Variants in LRP1B observed in about 807,000 individuals in gnomAD.
LRP1B encodes the protein low-density lipoprotein receptor-related protein 1B.
A neutral mutation model predicts 556.6 loss-of-function variants in LRP1B; 217 were observed. The ratio of observed to expected loss-of-function variants is 0.39; its 90% CI spans 0.35 to 0.44. The LOEUF is 0.44. Ranked by LOEUF, LRP1B falls within the 20% of genes least tolerant of loss-of-function variation. LRP1B has a pLI of 1.00. For missense variants in LRP1B, 5,053 were observed against 5,620.8 expected, an observed-to-expected ratio of 0.90 and a Z score of 3.23; for synonymous variants, 2,047 against 1,865.8, an observed-to-expected ratio of 1.10 and a Z score of -2.50.
chr2:140,699,468 A>G (rs188292853), intron 41 of LRP1B, among the ~76,000 whole-genome samples: 1 of 152,032 alleles, frequency 6.6e-6, no homozygotes, highest in East Asian at 1.9e-4. Flanking sequence ...AATCCATATT[A>G]TTTGAACACT....
intron 7 of LRP1B, among the ~76,000 whole-genome samples, chr2:141,106,416 T>C (rs1700603264): frequency 6.6e-6 from 1 of 152,140 alleles, no homozygotes; most frequent in Admixed American, 6.6e-5. Flanking sequence ...TAAGCATTCA[T>C]GTACAGATTT....
At chr2:141,538,759 C>T (rs1173099573) in intron 2 of LRP1B, among the ~76,000 whole-genome samples, 2 of 152,080 alleles carry the variant, frequency 1.3e-5, no homozygotes, top group African/African-American at 4.8e-5. Context: ...GTGCTTTAGC[C>T]TCCCAAGTAG....
rs558663344 is a variant in LRP1B at position 140,827,926 on chromosome 2, C to T, written c.5209+12065G>A. On this transcript the variant is annotated intron_variant, in intron 31 of 90. Coordinates refer to ENST00000389484, the MANE Select transcript of LRP1B (RefSeq NM_018557.3). ...CCAATTCACTTGGCAATAGACTTCT[C>T]AATGGAAACCATATAGGCCTGGAGA... 8.5e-5 allele frequency among the ~76,000 whole-genome samples: 13 copies of T among 152,112 alleles called. No homozygotes were observed. In the South Asian group the frequency reaches 2.7e-3, roughly 32 times the overall value.
intron 6 of LRP1B, among the ~76,000 whole-genome samples, chr2:141,193,160 A>G (rs989238840): frequency 6.6e-6 from 1 of 151,968 alleles, no homozygotes; most frequent in African/African-American, 2.4e-5. Context: ...CAACCATTGT[A>G]GAAAGCAGTA....
intron 68 of LRP1B, among the ~76,000 whole-genome samples, chr2:140,376,026 G>T (rs569301972): frequency 0.023 from 3,428 of 147,458 alleles, 51 homozygotes; most frequent in African/African-American, 0.037. Context: ...GTTTTTTTTT[G>T]TTCTAGACTG....
intron 3 of LRP1B, among the ~76,000 whole-genome samples, chr2:141,266,357 T>C (rs1029852248): frequency 6.6e-6 from 1 of 151,418 alleles, no homozygotes; most frequent in Non-Finnish European, 1.5e-5. Context: ...TATGCATATA[T>C]GCATATTTTC....
In LRP1B at chr2:141,997,757, C is replaced by T. The variant is rs751635615; in HGVS notation, c.82+132891G>A. On this transcript the variant is annotated intron_variant, in intron 1 of 90. Transcript: ENST00000389484. The stretch of plus-strand genomic sequence containing the variant: ...AGTTGACTGAGTTCTGTTTTCTCCA[C>T]GTACTTCTGCCTGTCTCTCCTTTCT... Among the ~76,000 whole-genome samples, 6 of 151,676 alleles carry T rather than the reference C, an allele frequency of 4.0e-5. No homozygotes were observed. In the East Asian group the frequency reaches 5.8e-4, roughly 15 times the overall value.
intron 1 of LRP1B, among the ~76,000 whole-genome samples, chr2:142,022,173 G>A (rs1471528957): frequency 6.6e-6 from 1 of 151,186 alleles, no homozygotes; most frequent in Non-Finnish European, 1.5e-5. Context: ...AGAATATCTG[G>A]CCAATCCTAG....
intron 86 of LRP1B, among the ~76,000 whole-genome samples, chr2:140,248,175 T>C (rs770678759): frequency 2.0e-5 from 3 of 151,714 alleles, no homozygotes; most frequent in Non-Finnish European, 2.9e-5. Context: ...GCTTCTACGA[T>C]GCTATACGAA....
At chr2:140,265,896 ATTTTAC>A (rs1381097855) in intron 86 of LRP1B, among the ~76,000 whole-genome samples, 1 of 151,894 alleles carries the variant, frequency 6.6e-6, no homozygotes, top group Non-Finnish European at 1.5e-5. Context: ...TTTATTTTTA[ATTTTAC>A]TTATAGTCAT....
intron 3 of LRP1B, among the ~76,000 whole-genome samples, chr2:141,424,104 A>T (rs12691605): frequency 0.2 from 28,638 of 143,464 alleles, 3,437 homozygotes; most frequent in East Asian, 0.46. Context: ...AACTATTACA[A>T]GCCTTCATCT....
chr2:141,220,759 T>A (rs559649163), intron 6 of LRP1B, among the ~76,000 whole-genome samples: 38 of 138,226 alleles, frequency 2.7e-4, no homozygotes, highest in Non-Finnish European at 4.6e-4. Flanking sequence ...GGGCCAATAT[T>A]CAACATTCTT....
intron 1 of LRP1B, among the ~76,000 whole-genome samples, chr2:141,912,576 C>T (rs1699931969): frequency 6.6e-6 from 1 of 152,022 alleles, no homozygotes; most frequent in South Asian, 2.1e-4. Flanking sequence ...GGGGAGAGGA[C>T]AATGGAGAGT....
At chr2:141,086,034 G>A (rs966478898) in intron 7 of LRP1B, among the ~76,000 whole-genome samples, 2 of 152,184 alleles carry the variant, frequency 1.3e-5, no homozygotes, top group African/African-American at 4.8e-5. Context: ...ATGCATGCCA[G>A]AGGAAGCATC....
chr2:140,673,872 T>C (rs1685572828), intron 41 of LRP1B, among the ~76,000 whole-genome samples: 1 of 152,032 alleles, frequency 6.6e-6, no homozygotes, highest in Non-Finnish European at 1.5e-5. Context: ...CAGAACAGAC[T>C]CTTTGTAGCA....
chr2:141,990,289 G>A (rs1007011331), intron 1 of LRP1B, among the ~76,000 whole-genome samples: 1 of 151,690 alleles, frequency 6.6e-6, no homozygotes, highest in African/African-American at 2.4e-5. Flanking sequence ...ACAATAAACT[G>A]ACCAGAAACT....
At chr2:140,737,578 C>G (rs570490966) in intron 35 of LRP1B, among the ~76,000 whole-genome samples, 9 of 152,244 alleles carry the variant, frequency 5.9e-5, no homozygotes, top group African/African-American at 2.2e-4. Context: ...AGTTAATTGC[C>G]TCTGAAGTAA....
At chr2:141,252,545 G>T (rs1179861481) in intron 4 of LRP1B, among the ~76,000 whole-genome samples, 1 of 152,086 alleles carries the variant, frequency 6.6e-6, no homozygotes. Context: ...GCTTGCATTT[G>T]GTAAAGTCTG....
chr2:141,667,984 T>A (rs1252183500), intron 2 of LRP1B, among the ~76,000 whole-genome samples: 1 of 152,086 alleles, frequency 6.6e-6, no homozygotes, highest in Non-Finnish European at 1.5e-5. Flanking sequence ...TAACCAAGAG[T>A]TATTATATTA....
Sources: allele counts gnomAD v4.1 joint callset (sites outside exome capture counted in the v4.1 genomes callset), GRCh38; gene constraint gnomAD v4.1.1; transcripts MANE v1.5; gene names NCBI Gene and HGNC (gene_info 2026-07-23, HGNC 2026-07-21).